The following MAEA variants were observed in gnomAD, a reference collection of about 807,000 sequenced individuals.
MAEA encodes macrophage erythroblast attacher, E3 ubiquitin ligase, also known as E3 ubiquitin-protein transferase MAEA.
A neutral mutation model predicts 46.2 loss-of-function variants in MAEA; 22 were observed. The ratio of observed to expected loss-of-function variants is 0.48; its 90% CI spans 0.34 to 0.68. MAEA has a LOEUF of 0.68. Ranked by LOEUF, MAEA falls within the 30% of genes least tolerant of loss-of-function variation. The pLI, the probability that MAEA is intolerant of heterozygous loss-of-function variation, is 0.01. For synonymous variants in MAEA, 246 were observed against 222.6 expected (o/e 1.11, Z -0.94); for missense variants, 393 against 558.1 (o/e 0.70, Z 2.98).
At chr4:1,334,339 C>G (rs1261070289) in intron 6 of MAEA, among the ~76,000 whole-genome samples, 1 of 151,038 alleles carries the variant, frequency 6.6e-6, no homozygotes, top group African/African-American at 2.4e-5. Flanking sequence ...CTGCAAAGCC[C>G]TGGGCAGTCC....
At chr4:1,337,758 C>T (rs58912404) in intron 7 of MAEA, 3,150 of 173,686 alleles carry the variant, frequency 0.018, 96 homozygotes, top group African/African-American at 0.07. Context: ...TGACTGACTC[C>T]GTCCTGCCTG....
chr4:1,332,629 G>A, intron 5 of MAEA, 128 bp from the exon 6 acceptor site: 1 of 644,736 alleles, frequency 1.6e-6, no homozygotes. Flanking sequence ...GCCTGAGCCT[G>A]AGAGTTCGAG....
intron 1 of MAEA, among the ~76,000 whole-genome samples, chr4:1,306,198 C>T (rs13124383): frequency 0.34 from 51,895 of 152,120 alleles, 10,603 homozygotes; most frequent in Non-Finnish European, 0.46. Context: ...AACCTGGCAG[C>T]GTCAAATGGA....
rs187872650 is a variant in MAEA, at chr4:1,321,334, C to T, written c.457-1047C>T. 1.3e-3 allele frequency among the ~76,000 whole-genome samples: 197 copies of T among 150,784 alleles called. 1 individual carries two copies. The highest frequency in any genetic ancestry group is 4.4e-3 in the African/African-American group (180 of 40,946). On this transcript the variant is annotated intron_variant, in intron 3 of 8. Coordinates refer to ENST00000303400, the MANE Select transcript of MAEA (RefSeq NM_001017405.3). ...TCATCAAAGCAAACATGCAAGAAAACGCTATGAAGGGGTTTCAGAAACGAG... is the reference window on the plus strand; with the variant it reads ...TCATCAAAGCAAACATGCAAGAAAATGCTATGAAGGGGTTTCAGAAACGAG...
At chr4:1,328,500 T>G in intron 5 of MAEA, 1 of 579,256 alleles carries the variant, frequency 1.7e-6, no homozygotes, top group Non-Finnish European at 2.5e-6. Flanking sequence ...CGGTGACGCT[T>G]GAGTTGCTGT....
At chr4:1,334,374 G>A (rs1407352193) in intron 6 of MAEA, among the ~76,000 whole-genome samples, 1 of 95,196 alleles carries the variant, frequency 1.1e-5, no homozygotes. Flanking sequence ...TCTGAAAGCT[G>A]CTGGAAGCTC....
intron 3 of MAEA, 69 bp from the exon 4 acceptor site, chr4:1,322,312 G>C: frequency 1.9e-6 from 3 of 1,590,160 alleles, no homozygotes; most frequent in Non-Finnish European, 2.6e-6. Flanking sequence ...TGGAGGCTGG[G>C]GTGTGGGAGG....
chr4:1,301,161 A>AT (rs772977294), intron 1 of MAEA, among the ~76,000 whole-genome samples: 21 of 152,228 alleles, frequency 1.4e-4, no homozygotes, highest in Non-Finnish European at 2.4e-4. Flanking sequence ...CATGATGATG[A>AT]CACACTGAAA....
chr4:1,329,887 C>T (rs1324312000), intron 5 of MAEA: 25 of 985,444 alleles, frequency 2.5e-5, no homozygotes, highest in Non-Finnish European at 3.0e-5. Flanking sequence ...GGTCCCAGCC[C>T]GCAGGAGCTT....
intron 3 of MAEA, among the ~76,000 whole-genome samples, chr4:1,318,447 A>AG (rs534385331): frequency 2.0e-4 from 30 of 152,322 alleles, no homozygotes; most frequent in African/African-American, 7.2e-4. Context: ...CAGTTGGAGT[A>AG]GGCCTCAGCA....
intron 3 of MAEA, among the ~76,000 whole-genome samples, chr4:1,319,083 G>A (rs952129459): frequency 2.0e-5 from 3 of 152,214 alleles, no homozygotes; most frequent in African/African-American, 7.2e-5. Flanking sequence ...TGGACGCAGG[G>A]CTCTCAACCC....
intron 4 of MAEA, among the ~76,000 whole-genome samples, chr4:1,327,227 G>A (rs905572566): frequency 3.3e-5 from 5 of 152,240 alleles, no homozygotes; most frequent in African/African-American, 4.8e-5. Flanking sequence ...TGTAGAGGAA[G>A]CAGTGGCCTC....
In MAEA at chr4:1,311,893, T is replaced by G; in HGVS notation, c.70-86T>G. 2 of 1,214,136 alleles carry G rather than the reference T, an allele frequency of 1.6e-6. No homozygotes were observed. Among genetic ancestry groups the G allele is most frequent in the Non-Finnish European group, 2.3e-6 (2 of 853,244 alleles). The allele number at this position is 1,214,136 out of a possible 1,614,324, so 75.2% of individuals were successfully genotyped here. ...GAGACTTCTGCCTCTACAAGTGCCATGAGGAGACCTGGTGTGTCCTGGGTG... is the reference window on the plus strand; with the variant it reads ...GAGACTTCTGCCTCTACAAGTGCCAGGAGGAGACCTGGTGTGTCCTGGGTG... On this transcript the variant is annotated intron_variant, in intron 1 of 8. Coordinates refer to ENST00000303400, the MANE Select transcript of MAEA (RefSeq NM_001017405.3). The surrounding 1 kb of genome is among the most constrained non-coding windows in gnomAD (Gnocchi z 4.4).
intron 3 of MAEA, among the ~76,000 whole-genome samples, chr4:1,318,603 C>T (rs1010297693): frequency 1.3e-5 from 2 of 152,154 alleles, no homozygotes; most frequent in African/African-American, 4.8e-5. Context: ...TGCTGAGATG[C>T]TCCGGAGGGC....
At chr4:1,300,576 G>A (rs980016237) in intron 1 of MAEA, among the ~76,000 whole-genome samples, 1 of 152,278 alleles carries the variant, frequency 6.6e-6, no homozygotes, top group African/African-American at 2.4e-5. Context: ...GCACGGCCCC[G>A]GCTCTTCCGT....
intron 4 of MAEA, chr4:1,323,344 C>A: frequency 1.6e-6 from 1 of 616,414 alleles, no homozygotes; most frequent in Non-Finnish European, 2.9e-6. Flanking sequence ...ACCCTAGGGG[C>A]TTGCAGAAAT....
At chr4:1,325,838 A>T (rs1011080649) in intron 4 of MAEA, among the ~76,000 whole-genome samples, 1 of 152,044 alleles carries the variant, frequency 6.6e-6, no homozygotes, top group Non-Finnish European at 1.5e-5. Flanking sequence ...GCTGATTTGT[A>T]CCAAGCCTGG....
chr4:1,321,334 C>CACTAT (rs1738068349), intron 3 of MAEA, among the ~76,000 whole-genome samples: 2 of 150,668 alleles, frequency 1.3e-5, no homozygotes, highest in African/African-American at 4.9e-5. Context: ...TGCAAGAAAA[C>CACTAT]GCTATGAAGG....
At chr4:1,314,963 T>C (rs868575528) in intron 2 of MAEA, among the ~76,000 whole-genome samples, 14 of 152,242 alleles carry the variant, frequency 9.2e-5, no homozygotes, top group African/African-American at 3.4e-4. Flanking sequence ...TGGTGGCAGC[T>C]GTGTTGGGCA....
Sources: allele counts gnomAD v4.1 joint callset (sites outside exome capture counted in the v4.1 genomes callset), GRCh38; gene constraint gnomAD v4.1.1; non-coding constraint Gnocchi (gnomAD v3.1); transcripts MANE v1.5; gene names NCBI Gene and HGNC (gene_info 2026-07-23, HGNC 2026-07-21).